Variants in N4BP2L2 observed in about 807,000 individuals in gnomAD.
N4BP2L2 encodes NEDD4-binding protein 2-like 2.
Under a neutral mutation model 56.2 loss-of-function variants are expected in N4BP2L2, and 50 were observed. The ratio of observed to expected loss-of-function variants is 0.89; its 90% CI spans 0.71 to 1.13. N4BP2L2 has a LOEUF of 1.13. Ranked by LOEUF, N4BP2L2 falls within the 50% of genes most tolerant of loss-of-function variation. The probability of loss-of-function intolerance (pLI) is 0.00; values close to 1 mark genes in which losing one functional copy is unlikely to be tolerated. For synonymous variants in N4BP2L2, 203 were observed against 223.6 expected, an observed-to-expected ratio of 0.91 and a Z score of 0.82; for missense variants, 689 against 693.8, an observed-to-expected ratio of 0.99 and a Z score of 0.08.
chr13:32,474,771 T>A (rs2139006894), intron 6 of N4BP2L2, among the ~76,000 whole-genome samples: 1 of 152,336 alleles, frequency 6.6e-6, no homozygotes, highest in South Asian at 2.1e-4. Context: ...ATATTTACTT[T>A]GATTTAAAAA....
chr13:32,442,732 T>G, exon 7 of N4BP2L2: 1 of 1,613,472 alleles, frequency 6.2e-7, no homozygotes. Flanking sequence ...ACTAGATAAA[T>G]TATGTAGCAC....
intron 6 of N4BP2L2, among the ~76,000 whole-genome samples, chr13:32,499,396 C>T (rs1403413049): frequency 6.6e-6 from 1 of 152,026 alleles, no homozygotes; most frequent in African/African-American, 2.4e-5. Flanking sequence ...CACTTCTTTA[C>T]ATTAACTGCA....
At chr13:32,528,074 CAA>C (rs1311858619) in intron 2 of N4BP2L2, among the ~76,000 whole-genome samples, 1 of 152,102 alleles carries the variant, frequency 6.6e-6, no homozygotes, top group Non-Finnish European at 1.5e-5. Flanking sequence ...CTGGCCATAA[CAA>C]AAACTTTTTG....
At position 32,460,556 on chromosome 13, in the gene N4BP2L2, C is replaced by A. The variant is rs1426664436; in HGVS notation, c.366-16430G>T. On this transcript the variant is annotated intron_variant, in intron 6 of 9. Coordinates refer to the N4BP2L2 transcript ENST00000357505. Reference sequence around the variant, plus strand: ...GAAAAAGGCAATTCCATTTATAATACCTACACACACAAAAATGGAAGATAA... The same window carrying A: ...GAAAAAGGCAATTCCATTTATAATAACTACACACACAAAAATGGAAGATAA... 4.0e-5 allele frequency among the ~76,000 whole-genome samples: 6 copies of A among 151,790 alleles called. No homozygotes were observed. In the South Asian group the frequency reaches 6.2e-4, roughly 16 times the overall value.
At chr13:32,503,105 G>A (rs917550366) in intron 6 of N4BP2L2, among the ~76,000 whole-genome samples, 2 of 147,472 alleles carry the variant, frequency 1.4e-5, no homozygotes, top group Admixed American at 6.8e-5. Flanking sequence ...CCCAGGAGGT[G>A]GAGGCTGCAG....
intron 6 of N4BP2L2, among the ~76,000 whole-genome samples, chr13:32,449,082 C>T (rs2077459157): frequency 6.6e-6 from 1 of 152,180 alleles, no homozygotes; most frequent in Admixed American, 6.5e-5. Context: ...TCAATTGATT[C>T]TCTCCATTGC....
chr13:32,531,202 C>T (rs905721265), intron 2 of N4BP2L2, among the ~76,000 whole-genome samples: 1 of 152,122 alleles, frequency 6.6e-6, no homozygotes, highest in African/African-American at 2.4e-5. Context: ...CCAAAGGCAC[C>T]CAGGTAACTA....
intron 5 of N4BP2L2, among the ~76,000 whole-genome samples, chr13:32,520,727 G>A (rs1216584508): frequency 2.0e-5 from 3 of 151,672 alleles, no homozygotes; most frequent in Non-Finnish European, 2.9e-5. Flanking sequence ...GAAGGGAAAA[G>A]GTAAAGATAG....
chr13:32,468,268 C>CAAAAAAAAAAAAAAAA (rs59875338), intron 6 of N4BP2L2, among the ~76,000 whole-genome samples: 1 of 103,998 alleles, frequency 9.6e-6, no homozygotes. Flanking sequence ...CAAAAAGAGA[C>CAAAAAAAAAAAAAAAA]AAAAAAAAAA....
chr13:32,450,317 T>C lies in N4BP2L2; in HGVS notation c.366-6191A>G, dbSNP rs144171407. The stretch of plus-strand genomic sequence containing the variant: ...ACTGAATAACAGTAAAAAAATTATA[T>C]ATAAAAAGTGATTTTTTTTTTTTTT... On this transcript the variant is annotated intron_variant, in intron 6 of 9. Transcript: ENST00000357505. 6.6e-3 allele frequency among the ~76,000 whole-genome samples: 1,004 copies of C among 152,004 alleles called. 11 individuals carry two copies. Among genetic ancestry groups the C allele is most frequent in the African/African-American group, 0.023 (948 of 41,482 alleles).
intron 6 of N4BP2L2, among the ~76,000 whole-genome samples, chr13:32,460,976 G>A (rs951534979): frequency 6.6e-6 from 1 of 152,108 alleles, no homozygotes; most frequent in African/African-American, 2.4e-5. Flanking sequence ...ACAGCCAAAT[G>A]ATTTTTGACA....
chr13:32,443,325 A>T, exon 7 of N4BP2L2: 3 of 1,613,928 alleles, frequency 1.9e-6, no homozygotes, highest in Non-Finnish European at 2.5e-6. Flanking sequence ...TACATGCTCT[A>T]TCTTTCTTTG....
chr13:32,537,998 G>C lies in N4BP2L2; in HGVS notation c.-1+620C>G, dbSNP rs551686918. 1.6e-3 allele frequency among the ~76,000 whole-genome samples: 236 copies of C among 151,508 alleles called. 1 individual carries two copies. Among genetic ancestry groups the C allele is most frequent in the Middle Eastern group, 6.8e-3 (2 of 292 alleles). On this transcript the variant is annotated intron_variant, in intron 1 of 5. Transcript: ENST00000267068. ...GGTGGGAGGATCGCTTGAACCCGGG[G>C]GGGGCGGAGGTTGTGGTGAGCCGAG...
chr13:32,530,220 T>C (rs1051929811), intron 2 of N4BP2L2, among the ~76,000 whole-genome samples: 5 of 152,144 alleles, frequency 3.3e-5, no homozygotes, highest in Non-Finnish European at 4.4e-5. Flanking sequence ...ATCATAACTA[T>C]AGTAAATAAG....
chr13:32,494,054 C>A (rs899723193), intron 6 of N4BP2L2, among the ~76,000 whole-genome samples: 1 of 152,106 alleles, frequency 6.6e-6, no homozygotes, highest in African/African-American at 2.4e-5. Context: ...GGGCGGATCA[C>A]TTGAGACCAG....
At chr13:32,527,187 A>C (rs941450434) in intron 3 of N4BP2L2, 9 of 476,614 alleles carry the variant, frequency 1.9e-5, no homozygotes, top group South Asian at 6.0e-5. Flanking sequence ...ACAGTTTACA[A>C]AGCGTTTTAT....
intron 6 of N4BP2L2, among the ~76,000 whole-genome samples, chr13:32,465,646 T>A (rs530671665): frequency 3.9e-5 from 6 of 152,162 alleles, no homozygotes; most frequent in Non-Finnish European, 8.8e-5. Context: ...GGAAAATGCA[T>A]ATTTATTTTA....
Position 32,471,538 on chromosome 13 carries a change from T to C in N4BP2L2, c.366-27412A>G, listed in dbSNP as rs138023819. 2.4e-4 allele frequency among the ~76,000 whole-genome samples: 37 copies of C among 151,902 alleles called. No homozygotes were observed. The East Asian group carries it at 6.6e-3, about 27-fold the overall frequency. On this transcript the variant is annotated intron_variant, in intron 6 of 9. Transcript: ENST00000357505. ...AAGAAAGACAGAGAGAGAGCCAGAG[T>C]TGTCCATCTTGTAGGCGGACAAGGG...
chr13:32,460,999 A>T (rs1423355847), intron 6 of N4BP2L2, among the ~76,000 whole-genome samples: 2 of 152,194 alleles, frequency 1.3e-5, no homozygotes, highest in African/African-American at 4.8e-5. Context: ...GGCACCAAGA[A>T]CATACATTAG....
Sources: allele counts gnomAD v4.1 joint callset (sites outside exome capture counted in the v4.1 genomes callset), GRCh38; gene constraint gnomAD v4.1.1; transcripts MANE v1.5; gene names NCBI Gene and HGNC (gene_info 2026-07-23, HGNC 2026-07-21).